Variants in DNM3 observed in about 807,000 individuals in gnomAD.
DNM3 encodes dynamin-3.
A neutral mutation model predicts 101.6 loss-of-function variants in DNM3; 47 were observed. The ratio of observed to expected loss-of-function variants is 0.46; its 90% confidence interval spans 0.37 to 0.59. The LOEUF is 0.59. Among genes scored for constraint, DNM3 ranks in the 20% least tolerant of loss-of-function variants. The pLI, the probability that DNM3 is intolerant of heterozygous loss-of-function variation, is 0.00. For missense variants in DNM3, 849 were observed against 1,085.7 expected (o/e 0.78, Z 3.06); for synonymous variants, 385 against 387.9 (o/e 0.99, Z 0.09).
chr1:171,997,299 T>C (rs903727790), intron 4 of DNM3, among the ~76,000 whole-genome samples: 1 of 152,178 alleles, frequency 6.6e-6, no homozygotes, highest in Non-Finnish European at 1.5e-5. Context: ...TAATGTGTTA[T>C]GCAATAAGCA....
At chr1:172,166,595 G>C (rs113615092) in intron 14 of DNM3, among the ~76,000 whole-genome samples, 12 of 152,042 alleles carry the variant, frequency 7.9e-5, no homozygotes, top group Non-Finnish European at 1.8e-4. Context: ...GTTTTAATCT[G>C]TTTTTGAATT....
chr1:172,255,972 GATTGT>G (rs923672582), intron 15 of DNM3, among the ~76,000 whole-genome samples: 6 of 152,122 alleles, frequency 3.9e-5, no homozygotes, highest in African/African-American at 1.2e-4. Flanking sequence ...CCACCTGGAA[GATTGT>G]ATGATTCTTC....
intron 1 of DNM3, among the ~76,000 whole-genome samples, chr1:171,845,071 C>T (rs750793288): frequency 2.6e-5 from 4 of 152,166 alleles, no homozygotes; most frequent in Middle Eastern, 3.4e-3. Context: ...TTGAGTAACT[C>T]ACTCAAGGAT....
chr1:172,240,327 C>A (rs2061703175), intron 14 of DNM3, among the ~76,000 whole-genome samples: 1 of 152,078 alleles, frequency 6.6e-6, no homozygotes, highest in Non-Finnish European at 1.5e-5. Context: ...TGTTTCTTTG[C>A]CTCTTTTTGA....
chr1:172,099,045 A>G (rs914067314), intron 13 of DNM3, among the ~76,000 whole-genome samples: 1 of 152,190 alleles, frequency 6.6e-6, no homozygotes, highest in Non-Finnish European at 1.5e-5. Context: ...ACACAGACAA[A>G]TGAATTGATA....
chr1:172,338,623 G>A (rs572645769), intron 17 of DNM3, among the ~76,000 whole-genome samples: 2 of 152,308 alleles, frequency 1.3e-5, no homozygotes, highest in East Asian at 3.9e-4. Flanking sequence ...CTGGAAGGAT[G>A]ATATAGAGAA....
At chr1:172,021,787 T>C (rs57907095) in intron 4 of DNM3, among the ~76,000 whole-genome samples, 41,344 of 152,100 alleles carry the variant, frequency 0.27, 6,451 homozygotes, top group East Asian at 0.45. Context: ...TGTTCTTTCC[T>C]GAAGAGACAC....
At chr1:172,289,890 T>G in intron 15 of DNM3, 2 of 971,970 alleles carry the variant, frequency 2.1e-6, no homozygotes, top group Non-Finnish European at 2.4e-6. Flanking sequence ...TTTATTGTAC[T>G]GTTGGGTTTT....
In DNM3 at chr1:172,380,755, C is replaced by T. The variant is rs1307312761; in HGVS notation, c.2058+1573C>T. 2.6e-5 allele frequency: 4 copies of T among 152,034 alleles called. No homozygotes were observed. In the South Asian group the frequency reaches 6.2e-4, roughly 24 times the overall value. The allele number at this position is 152,034 out of a possible 1,614,324, so 9.4% of individuals were successfully genotyped here. Reference sequence around the variant, plus strand: ...TTTTTAAAATTACCTTCTTCATTTACTTAAATGAATTCAGGTTGTTTTGCT... The same window carrying T: ...TTTTTAAAATTACCTTCTTCATTTATTTAAATGAATTCAGGTTGTTTTGCT... On this transcript the variant is annotated intron_variant, in intron 18 of 20. Transcript: ENST00000627582.
At chr1:172,092,755 G>A (rs540746175) in intron 12 of DNM3, 69 bp from the exon 13 acceptor site, 18 of 1,424,146 alleles carry the variant, frequency 1.3e-5, no homozygotes, top group Admixed American at 2.4e-5. Flanking sequence ...ATAAATTTTA[G>A]TATTTGTTAC....
downstream of DNM3, among the ~76,000 whole-genome samples, chr1:172,417,079 G>GT (rs1039585258): frequency 1.3e-5 from 2 of 151,544 alleles, no homozygotes; most frequent in Admixed American, 1.3e-4. Context: ...TTCTGTTTTT[G>GT]TTTTTGTTTT....
At chr1:172,056,900 T>C (rs1035805090) in intron 10 of DNM3, among the ~76,000 whole-genome samples, 1 of 152,110 alleles carries the variant, frequency 6.6e-6, no homozygotes, top group African/African-American at 2.4e-5. Flanking sequence ...TACTCTGAGC[T>C]ACGGGAGGAC....
intron 1 of DNM3, among the ~76,000 whole-genome samples, chr1:171,869,435 C>A (rs1486994710): frequency 2.6e-5 from 4 of 152,208 alleles, no homozygotes; most frequent in Non-Finnish European, 5.9e-5. Context: ...TCTCCAGCAG[C>A]ATTTCCTCAT....
At chr1:171,935,108 A>C (rs1194636390) in intron 2 of DNM3, among the ~76,000 whole-genome samples, 2 of 152,098 alleles carry the variant, frequency 1.3e-5, no homozygotes, top group Non-Finnish European at 2.9e-5. Flanking sequence ...ATATTTGCAG[A>C]ATATATTGTA....
chr1:172,209,419 G>C (rs868856654), intron 14 of DNM3, among the ~76,000 whole-genome samples: 2 of 151,942 alleles, frequency 1.3e-5, no homozygotes, highest in Non-Finnish European at 2.9e-5. Flanking sequence ...CACCAAGGGT[G>C]AATATTGATC....
intron 16 of DNM3, among the ~76,000 whole-genome samples, chr1:172,318,024 A>G (rs1307081918): frequency 6.6e-6 from 1 of 152,236 alleles, no homozygotes; most frequent in Non-Finnish European, 1.5e-5. Flanking sequence ...CAGCACATCA[A>G]AAAGCTTATC....
chr1:172,237,886 G>A (rs914034417), intron 14 of DNM3, among the ~76,000 whole-genome samples: 2 of 152,144 alleles, frequency 1.3e-5, no homozygotes, highest in Non-Finnish European at 2.9e-5. Flanking sequence ...TTCAGGCATG[G>A]GTTCTTTGGA....
chr1:172,375,278 T>C (rs1470315109), intron 17 of DNM3, among the ~76,000 whole-genome samples: 1 of 152,060 alleles, frequency 6.6e-6, no homozygotes, highest in Admixed American at 6.6e-5. Flanking sequence ...GCATTTCTCA[T>C]AGGACTATAT....
At chr1:172,081,185 C>T (rs2053117078) in intron 11 of DNM3, among the ~76,000 whole-genome samples, 1 of 152,178 alleles carries the variant, frequency 6.6e-6, no homozygotes, top group Non-Finnish European at 1.5e-5. Context: ...CAGCTTTGAA[C>T]TCCTGGGCTC....
Sources: gnomAD v4.1 joint callset for allele counts (sites outside exome capture counted in the v4.1 genomes callset) on GRCh38, gnomAD v4.1.1 for gene constraint, MANE v1.5 for transcripts, NCBI Gene and HGNC (gene_info 2026-07-23, HGNC 2026-07-21) for gene names.